The following DLGAP1 variants were observed in gnomAD, a reference collection of about 807,000 sequenced individuals.
The protein encoded by DLGAP1 is DLG associated protein 1.
Under a neutral mutation model 90.8 loss-of-function variants are expected in DLGAP1, and 11 were observed. That is an observed-to-expected ratio of 0.12 (90% confidence interval 0.08 to 0.20). The LOEUF is 0.20. Among genes scored for constraint, DLGAP1 ranks in the 10% least tolerant of loss-of-function variants. The probability of loss-of-function intolerance (pLI) is 1.00; values close to 1 mark genes in which losing one functional copy is unlikely to be tolerated. For synonymous variants in DLGAP1, 558 were observed against 540.7 expected (o/e 1.03, Z -0.44); for missense variants, 1,050 against 1,333.8 (o/e 0.79, Z 3.31).
chr18:3,936,304 C>T (rs956773178), intron 3 of DLGAP1, among the ~76,000 whole-genome samples: 1 of 152,224 alleles, frequency 6.6e-6, no homozygotes, highest in African/African-American at 2.4e-5. Context: ...CTGGCCTGGG[C>T]CTCTCTCAGC....
intron 8 of DLGAP1, among the ~76,000 whole-genome samples, chr18:3,576,166 G>A (rs1267137715): frequency 6.6e-6 from 1 of 152,086 alleles, no homozygotes; most frequent in Admixed American, 6.6e-5. Context: ...TCTAACAAAG[G>A]AAGGTGGAAG....
chr18:3,951,204 C>T (rs2072978583), intron 3 of DLGAP1, among the ~76,000 whole-genome samples: 1 of 152,200 alleles, frequency 6.6e-6, no homozygotes, highest in African/African-American at 2.4e-5. Context: ...ACAAAATTAG[C>T]AAGTTAAAAC....
At chr18:3,576,324 A>G (rs1191994848) in intron 8 of DLGAP1, among the ~76,000 whole-genome samples, 1 of 149,260 alleles carries the variant, frequency 6.7e-6, no homozygotes, top group Non-Finnish European at 1.5e-5. Context: ...CAGTGGCGCG[A>G]TCTCGGCTCA....
At chr18:3,662,937 A>T (rs970708511) in intron 7 of DLGAP1, among the ~76,000 whole-genome samples, 2 of 152,170 alleles carry the variant, frequency 1.3e-5, no homozygotes, top group Non-Finnish European at 2.9e-5. Context: ...AACAGCATCA[A>T]ATGGGCCCCA....
intron 1 of DLGAP1, among the ~76,000 whole-genome samples, chr18:4,419,976 A>T (rs2082992067): frequency 6.6e-6 from 1 of 152,200 alleles, no homozygotes; most frequent in Non-Finnish European, 1.5e-5. Context: ...ATAGATACAG[A>T]CAGCTTAAAA....
intron 3 of DLGAP1, among the ~76,000 whole-genome samples, chr18:3,952,219 T>A (rs2073000402): frequency 6.6e-6 from 1 of 152,210 alleles, no homozygotes; most frequent in South Asian, 2.1e-4. Flanking sequence ...AAAAAAGCAT[T>A]TCCCCTCCTG....
intron 2 of DLGAP1, among the ~76,000 whole-genome samples, chr18:4,054,458 T>C (rs896504657): frequency 1.3e-5 from 2 of 152,222 alleles, no homozygotes; most frequent in African/African-American, 2.4e-5. Flanking sequence ...AATAGCTCCA[T>C]ATAAATAGTT....
intron 1 of DLGAP1, among the ~76,000 whole-genome samples, chr18:4,450,973 T>C (rs2083811971): frequency 3.3e-5 from 5 of 152,228 alleles, no homozygotes; most frequent in African/African-American, 1.2e-4. Context: ...TATCTGTGGA[T>C]ATAGATCCAC....
chr18:4,320,116 T>C (rs182962550), intron 1 of DLGAP1, among the ~76,000 whole-genome samples: 1,770 of 152,264 alleles, frequency 0.012, 18 homozygotes, highest in Non-Finnish European at 0.017. Flanking sequence ...CTAGGGGCAT[T>C]TCCCCCTAAA....
At position 3,639,805 on chromosome 18, in the gene DLGAP1, AG is replaced by A. The variant is rs1232222428; in HGVS notation, c.1592-57558del. On this transcript the variant is annotated intron_variant, in intron 7 of 12. Coordinates refer to ENST00000315677, the MANE Select transcript of DLGAP1 (RefSeq NM_004746.4). ...AGTCTTGCTCTGTCGCCCAGGCTGG[AG>A]TGCAGTGGCGCGATCTCGGCTCACT... is the stretch of plus-strand genomic sequence containing the variant. 1.7e-4 allele frequency among the ~76,000 whole-genome samples: 21 copies of A among 125,380 alleles called. 1 individual carries two copies. Among genetic ancestry groups the A allele is most frequent in the Non-Finnish European group, 3.0e-4 (19 of 63,224 alleles). 82.3% of individuals were successfully genotyped at this position (125,380 alleles called of 152,430 possible).
Position 3,555,549 on chromosome 18 carries a change from G to A in DLGAP1, c.2057+11941C>T, listed in dbSNP as rs924002988. ...TTTGAGGCCGGGGGCAGTGGCTCAC[G>A]TCTGTAATCCCAGCACTTTGGGAGG... On this transcript the variant is annotated intron_variant, in intron 9 of 12. Coordinates refer to ENST00000315677, the MANE Select transcript of DLGAP1 (RefSeq NM_004746.4). 7.2e-5 allele frequency among the ~76,000 whole-genome samples: 11 copies of A among 152,274 alleles called. No homozygotes were observed. In the South Asian group the frequency reaches 1.9e-3, roughly 26 times the overall value.
chr18:4,321,151 A>G (rs964564137), intron 1 of DLGAP1, among the ~76,000 whole-genome samples: 3 of 152,228 alleles, frequency 2.0e-5, no homozygotes, highest in African/African-American at 7.2e-5. Flanking sequence ...GCAGACTGAG[A>G]TGAGAGACTC....
At chr18:4,353,527 T>C (rs1283082126) in intron 1 of DLGAP1, among the ~76,000 whole-genome samples, 1 of 152,208 alleles carries the variant, frequency 6.6e-6, no homozygotes, top group Non-Finnish European at 1.5e-5. Flanking sequence ...AATTTCCTCC[T>C]CATTGTAAAA....
At chr18:4,107,130 C>A (rs1006971276) in intron 2 of DLGAP1, among the ~76,000 whole-genome samples, 21 of 152,334 alleles carry the variant, frequency 1.4e-4, no homozygotes, top group African/African-American at 5.1e-4. Context: ...TAAAACACAG[C>A]GCCGCTGGAT....
chr18:3,680,721 G>A (rs1369922752), intron 7 of DLGAP1, among the ~76,000 whole-genome samples: 4 of 149,398 alleles, frequency 2.7e-5, no homozygotes, highest in African/African-American at 5.0e-5. Context: ...CCCGGGAGGC[G>A]GAGCTTGCAG....
intron 2 of DLGAP1, among the ~76,000 whole-genome samples, chr18:4,051,436 G>T (rs979015162): frequency 6.6e-6 from 1 of 152,224 alleles, no homozygotes; most frequent in Admixed American, 6.5e-5. Context: ...GAAATGCAAA[G>T]TGAAGTGGGG....
chr18:4,104,155 C>CT (rs2075823132), intron 2 of DLGAP1, among the ~76,000 whole-genome samples: 1 of 151,998 alleles, frequency 6.6e-6, no homozygotes, highest in African/African-American at 2.4e-5. Context: ...TTATTTGTTT[C>CT]TTAAAGATTC....
intron 3 of DLGAP1, among the ~76,000 whole-genome samples, chr18:3,899,728 G>C (rs934253162): frequency 1.3e-5 from 2 of 152,196 alleles, no homozygotes; most frequent in African/African-American, 2.4e-5. Flanking sequence ...GCCAGTGTGA[G>C]CTTAGAAATG....
At chr18:3,618,152 T>C (rs1485266157) in intron 7 of DLGAP1, among the ~76,000 whole-genome samples, 1 of 152,236 alleles carries the variant, frequency 6.6e-6, no homozygotes, top group Non-Finnish European at 1.5e-5. Context: ...AGGAAAAATG[T>C]CAGAGAATTC....
Sources: gnomAD v4.1 joint callset for allele counts (sites outside exome capture counted in the v4.1 genomes callset) on GRCh38, gnomAD v4.1.1 for gene constraint, MANE v1.5 for transcripts, NCBI Gene and HGNC (gene_info 2026-07-23, HGNC 2026-07-21) for gene names.